The following RAD51B variants were observed in gnomAD, a reference collection of about 807,000 sequenced individuals.
RAD51B encodes DNA repair protein RAD51 homolog 2.
RAD51B carries 38 observed loss-of-function variants against 42.2 expected under a neutral mutation model. The ratio of observed to expected loss-of-function variants is 0.90; its 90% CI spans 0.70 to 1.18. The LOEUF is 1.18. Among genes scored for constraint, RAD51B ranks in the 50% most tolerant of loss-of-function variants. The probability of loss-of-function intolerance (pLI) is 0.00; values close to 1 mark genes in which losing one functional copy is unlikely to be tolerated. For missense variants in RAD51B, 373 were observed against 400.7 expected, an observed-to-expected ratio of 0.93 and a Z score of 0.59; for synonymous variants, 154 against 145.2, an observed-to-expected ratio of 1.06 and a Z score of -0.43.
At chr14:68,666,152 A>G (rs1236321090) in intron 11 of RAD51B, among the ~76,000 whole-genome samples, 3 of 152,236 alleles carry the variant, frequency 2.0e-5, no homozygotes, top group African/African-American at 4.8e-5. Flanking sequence ...TTTCTGTCAC[A>G]TGAAACCTGA....
intron 9 of RAD51B, among the ~76,000 whole-genome samples, chr14:68,422,481 A>C (rs1280015717): frequency 6.8e-5 from 10 of 146,042 alleles, no homozygotes; most frequent in Non-Finnish European, 1.3e-4. Flanking sequence ...AATTGCTTGA[A>C]CCCGGGAGGT....
chr14:67,850,808 G>A (rs1459311558), intron 4 of RAD51B, among the ~76,000 whole-genome samples: 6 of 152,098 alleles, frequency 3.9e-5, no homozygotes, highest in African/African-American at 1.4e-4. Flanking sequence ...GGTTTGGGGT[G>A]CTACACAAGC....
At chr14:68,201,812 G>A (rs1178913885) in intron 7 of RAD51B, among the ~76,000 whole-genome samples, 2 of 152,158 alleles carry the variant, frequency 1.3e-5, no homozygotes, top group African/African-American at 2.4e-5. Context: ...GTCAATGACC[G>A]TTTTTTGAGA....
rs932145020 is a variant in RAD51B at position 68,339,517 on chromosome 14, T to A, written c.853+47537T>A. The A allele has an allele frequency of 7.2e-6, 3 of 414,174 alleles. No homozygotes were observed. The East Asian group carries it at 1.2e-4, about 16-fold the overall frequency. The allele number at this position is 414,174 out of a possible 1,614,324, so 25.7% of individuals were successfully genotyped here. On this transcript the variant is annotated intron_variant, in intron 8 of 10. Coordinates refer to ENST00000471583, the MANE Select transcript of RAD51B (RefSeq NM_133510.4). ...GCCATTTTTTCTCCTTGGCTTTCTT[T>A]CCTTTCAGCATCTTGGGTGGCGGGA...
chr14:68,258,443 T>TCTCA (rs1555382642), intron 7 of RAD51B, among the ~76,000 whole-genome samples: 7 of 150,106 alleles, frequency 4.7e-5, no homozygotes, highest in African/African-American at 1.7e-4. Context: ...TCTCTCTCTC[T>TCTCA]CACACACACA....
At chr14:68,115,326 A>G (rs1397483586) in intron 7 of RAD51B, among the ~76,000 whole-genome samples, 2 of 128,448 alleles carry the variant, frequency 1.6e-5, no homozygotes, top group African/African-American at 7.5e-5. Context: ...ATTCTCACTC[A>G]TAGGTGGGAA....
At chr14:68,605,174 G>A (rs1891396123) in intron 10 of RAD51B, among the ~76,000 whole-genome samples, 1 of 152,328 alleles carries the variant, frequency 6.6e-6, no homozygotes, top group East Asian at 1.9e-4. Context: ...GATCCGAGAA[G>A]TCCAAAATCA....
chr14:68,062,372 T>G (rs1310765221), intron 7 of RAD51B, among the ~76,000 whole-genome samples: 1 of 152,212 alleles, frequency 6.6e-6, no homozygotes, highest in Non-Finnish European at 1.5e-5. Flanking sequence ...GGTTGTGTCC[T>G]TGTCTGGTTT....
intron 7 of RAD51B, among the ~76,000 whole-genome samples, chr14:68,066,323 A>G (rs182984981): frequency 6.6e-6 from 1 of 152,294 alleles, no homozygotes; most frequent in African/African-American, 2.4e-5. Context: ...TAAAATTTAA[A>G]AAAAAGATTC....
At chr14:68,598,762 C>A (rs918275465), downstream of RAD51B, among the ~76,000 whole-genome samples, 2 of 152,184 alleles carry the variant, frequency 1.3e-5, no homozygotes, top group African/African-American at 4.8e-5. Flanking sequence ...CCCACAGGCC[C>A]AGGGCAGTGT....
At chr14:68,421,474 ATTCT>A (rs1405041434) in intron 9 of RAD51B, among the ~76,000 whole-genome samples, 1 of 152,062 alleles carries the variant, frequency 6.6e-6, no homozygotes, top group African/African-American at 2.4e-5. Flanking sequence ...GCCCTTCCAA[ATTCT>A]TTCTTTTTTG....
intron 10 of RAD51B, among the ~76,000 whole-genome samples, chr14:68,581,690 G>A (rs937706174): frequency 1.4e-4 from 21 of 152,070 alleles, no homozygotes; most frequent in East Asian, 7.7e-4. Context: ...AAAAGAGCCC[G>A]TGCAGCCAAG....
chr14:67,953,784 T>C (rs1029667911), intron 7 of RAD51B, among the ~76,000 whole-genome samples: 5 of 152,160 alleles, frequency 3.3e-5, no homozygotes, highest in African/African-American at 9.7e-5. Context: ...ACTAGGGCAC[T>C]GGTTGTACCA....
intron 7 of RAD51B, among the ~76,000 whole-genome samples, chr14:68,192,058 A>G (rs938762584): frequency 2.6e-5 from 4 of 152,210 alleles, no homozygotes; most frequent in Non-Finnish European, 5.9e-5. Context: ...GCCATGTGAC[A>G]TAGCTTTTCA....
chr14:68,471,138 G>A (rs2086113148), intron 10 of RAD51B, among the ~76,000 whole-genome samples: 1 of 152,156 alleles, frequency 6.6e-6, no homozygotes, highest in African/African-American at 2.4e-5. Context: ...CTGGAGCTCT[G>A]GGTGGGATGT....
chr14:68,417,479 A>G (rs912309325), intron 9 of RAD51B, among the ~76,000 whole-genome samples: 2 of 152,254 alleles, frequency 1.3e-5, no homozygotes, highest in Non-Finnish European at 2.9e-5. Flanking sequence ...CTCTTGCAAC[A>G]GAAGTGCTCT....
intron 10 of RAD51B, among the ~76,000 whole-genome samples, chr14:68,493,541 G>A (rs946533246): frequency 1.3e-5 from 2 of 152,224 alleles, no homozygotes; most frequent in African/African-American, 4.8e-5. Flanking sequence ...CACATTTGTT[G>A]TGCTTTCCAT....
At chr14:68,531,356 T>C (rs906626905) in intron 10 of RAD51B, among the ~76,000 whole-genome samples, 14 of 152,120 alleles carry the variant, frequency 9.2e-5, no homozygotes, top group Non-Finnish European at 1.0e-4. Context: ...TATTCAGTTA[T>C]AAGCTATTTT....
At chr14:68,295,901 GTGTCTCATACTCACT>G (rs1159853536) in intron 8 of RAD51B, among the ~76,000 whole-genome samples, 1 of 152,116 alleles carries the variant, frequency 6.6e-6, no homozygotes, top group East Asian at 1.9e-4. Flanking sequence ...ATCCCAGTGT[GTGTCTCATACTCACT>G]GGTTTGCACA....
Sources: allele counts gnomAD v4.1 joint callset (sites outside exome capture counted in the v4.1 genomes callset), GRCh38; gene constraint gnomAD v4.1.1; transcripts MANE v1.5; gene names NCBI Gene and HGNC (gene_info 2026-07-23, HGNC 2026-07-21).